The following PYROXD1 variants were observed in gnomAD, a reference collection of about 807,000 sequenced individuals.
The protein encoded by PYROXD1 is pyridine nucleotide-disulphide oxidoreductase domain 1.
A neutral mutation model predicts 62.0 loss-of-function variants in PYROXD1; 42 were observed. The ratio of observed to expected loss-of-function variants is 0.68; its 90% CI spans 0.53 to 0.88. The LOEUF (loss-of-function observed/expected upper bound fraction) is 0.88. Ranked by LOEUF, PYROXD1 falls within the 40% of genes least tolerant of loss-of-function variation. The pLI, the probability that PYROXD1 is intolerant of heterozygous loss-of-function variation, is 0.00. For missense variants in PYROXD1, 493 were observed against 604.8 expected (o/e 0.82, Z 1.94); for synonymous variants, 170 against 206.4 (o/e 0.82, Z 1.51).
At chr12:21,443,903 T>C (rs1025877440) in intron 2 of PYROXD1, among the ~76,000 whole-genome samples, 1 of 152,028 alleles carries the variant, frequency 6.6e-6, no homozygotes, top group African/African-American at 2.4e-5. Context: ...TTGGGAGAAA[T>C]AGAGGAAAAA....
chr12:21,465,755 G>A (rs1452837659), intron 10 of PYROXD1, among the ~76,000 whole-genome samples: 8 of 152,052 alleles, frequency 5.3e-5, no homozygotes, highest in Admixed American at 1.3e-4. Flanking sequence ...CCTATGTCCT[G>A]AATGGTATTG....
chr12:21,460,335 A>C (rs1942671103), intron 7 of PYROXD1, among the ~76,000 whole-genome samples: 1 of 152,102 alleles, frequency 6.6e-6, no homozygotes, highest in South Asian at 2.1e-4. Context: ...GGGATACGAC[A>C]GTAAGTCAGA....
Position 21,469,687 on chromosome 12 carries a change from T to G in PYROXD1, c.*933T>G, listed in dbSNP as rs1942882816. The G allele has an allele frequency of 7.2e-6, 1 of 138,020 alleles. No homozygotes were observed. 8.5% of individuals were successfully genotyped at this position (138,020 alleles called of 1,614,324 possible). A position where few individuals can be genotyped will look rare whatever the true frequency, so the allele number is the denominator to read the frequency against. On this transcript the variant is annotated 3_prime_UTR_variant, in exon 12 of 12. Coordinates refer to ENST00000240651, the MANE Select transcript of PYROXD1 (RefSeq NM_024854.5). ...TTAAAACATGAGATTTTTCTTGCAA[T>G]TTTTTTTTTAAGCTCATCAGCTATC...
intron 3 of PYROXD1, among the ~76,000 whole-genome samples, chr12:21,447,279 A>T (rs1591941005): frequency 6.6e-6 from 1 of 152,358 alleles, no homozygotes; most frequent in South Asian, 2.1e-4. Context: ...GAGAGAAAAA[A>T]GTACTGAATT....
intron 1 of PYROXD1, among the ~76,000 whole-genome samples, chr12:21,440,154 G>C (rs1304600679): frequency 6.6e-6 from 1 of 152,098 alleles, no homozygotes; most frequent in Non-Finnish European, 1.5e-5. Flanking sequence ...AGTGTTTACT[G>C]TAAATATTAT....
At chr12:21,453,263 C>CT (rs1407317867) in intron 5 of PYROXD1, among the ~76,000 whole-genome samples, 2 of 151,960 alleles carry the variant, frequency 1.3e-5, no homozygotes, top group African/African-American at 4.8e-5. Context: ...TCATCATTTT[C>CT]TTTAAGTTGG....
intron 5 of PYROXD1, among the ~76,000 whole-genome samples, chr12:21,453,754 G>C (rs530710096): frequency 6.6e-6 from 1 of 152,146 alleles, no homozygotes; most frequent in South Asian, 2.1e-4. Flanking sequence ...GTGGTTACTT[G>C]TAATAACTTT....
In PYROXD1 at chr12:21,471,013, C is replaced by T; in HGVS notation, c.*2259C>T. On this transcript the variant is annotated 3_prime_UTR_variant, in exon 12 of 12. Transcript: ENST00000240651. ...GACTTTGTCACTTGCATAGTAATAG[C>T]ATGTGCCTCATTGTTCAGAAGATTA... 1.3e-6 allele frequency: 2 copies of T among 1,596,348 alleles called. No individual in the cohort carries two copies. The highest frequency in any genetic ancestry group is 2.3e-5 in the South Asian group (2 of 88,332).
At chr12:21,440,525 G>A in intron 2 of PYROXD1, 77 bp downstream of exon 2, 1 of 794,368 alleles carries the variant, frequency 1.3e-6, no homozygotes, top group Non-Finnish European at 2.1e-6. Context: ...GGGTAATTGT[G>A]TATTTTTTTC....
intron 10 of PYROXD1, 146 bp downstream of exon 10, chr12:21,463,008 A>T (rs1942728160): frequency 3.0e-6 from 2 of 671,878 alleles, no homozygotes; most frequent in Non-Finnish European, 4.6e-6. Flanking sequence ...TTTAAAAAAA[A>T]AACTAGAATA....
At chr12:21,464,550 G>A (rs948988583) in intron 10 of PYROXD1, among the ~76,000 whole-genome samples, 37 of 152,168 alleles carry the variant, frequency 2.4e-4, no homozygotes, top group African/African-American at 8.9e-4. Flanking sequence ...GCACATACAG[G>A]GAGGTAGAAG....
rs772282590 is a variant in PYROXD1, at chr12:21,468,511, A to C, written c.1260A>C (p.Val420=). ...CTTTTTATCTCTAAATATAGGTTGT[A>C]CTGCTGGGAAAATACAATGCACAGG... ...HVTKFFNYKV[V]LLGKYNAQGL... is the part of the protein sequence containing the mutation. Residue 420 remains valine, a synonymous_variant, in exon 12 of 12, where the codon GTA becomes GTC. Transcript: ENST00000240651. 3 of 1,611,440 alleles carry C rather than the reference A, an allele frequency of 1.9e-6. No homozygotes were observed. The highest frequency in any genetic ancestry group is 2.5e-6 in the Non-Finnish European group (3 of 1,178,146).
chr12:21,452,814 A>G (rs1425964972), intron 5 of PYROXD1, among the ~76,000 whole-genome samples: 1 of 152,124 alleles, frequency 6.6e-6, no homozygotes, highest in Non-Finnish European at 1.5e-5. Context: ...TTCAGGCCAT[A>G]AAGTTGAGTC....
intron 3 of PYROXD1, 76 bp downstream of exon 3, chr12:21,445,542 A>C: frequency 7.3e-7 from 1 of 1,377,492 alleles, no homozygotes; most frequent in South Asian, 1.8e-5. Flanking sequence ...TTTTCACTCC[A>C]GCTCTACTAC....
chr12:21,449,648 G>A lies in PYROXD1; in HGVS notation c.371G>A (p.Gly124Glu). 1 of 1,613,326 alleles carries A rather than the reference G, an allele frequency of 6.2e-7. No individual in the cohort carries two copies. The highest frequency in any genetic ancestry group is 1.7e-4 in the Middle Eastern group (1 of 6,060). The stretch of plus-strand genomic sequence containing the variant: ...GCTAAACCAAAGTTGATATGTGAAG[G>A]AAATCCTTATGTATTAGGAATCCGT... ...AGAKPKLICE[G>E]NPYVLGIRDT... The change falls in exon 4 of 12, where the codon GGA (glycine) becomes GAA (glutamate). Residue 124 changes from glycine (G) to glutamate (E), a missense_variant. Coordinates refer to ENST00000240651, the MANE Select transcript of PYROXD1 (RefSeq NM_024854.5).
At chr12:21,457,994 T>C (rs898536671) in intron 7 of PYROXD1, among the ~76,000 whole-genome samples, 1 of 152,188 alleles carries the variant, frequency 6.6e-6, no homozygotes, top group African/African-American at 2.4e-5. Context: ...TTCACAGTGG[T>C]AAATAGGCAT....
At chr12:21,451,852 A>T (rs1942505344) in intron 4 of PYROXD1, among the ~76,000 whole-genome samples, 1 of 152,182 alleles carries the variant, frequency 6.6e-6, no homozygotes, top group African/African-American at 2.4e-5. Context: ...AGGAAAGGAA[A>T]ATCAGGAGAG....
Position 21,461,996 on chromosome 12 carries a change from T to A in PYROXD1, c.881-12T>A, listed in dbSNP as rs1218006608. On this transcript the variant is annotated splice_polypyrimidine_tract_variant and intron_variant, in intron 8 of 11. Coordinates refer to ENST00000240651, the MANE Select transcript of PYROXD1 (RefSeq NM_024854.5). ...AAATAAAGTCTGTTTTTTTGGTTTTTTTTTCTTAAAGAGATGTGGCCTGTC... is the reference window on the plus strand; with the variant it reads ...AAATAAAGTCTGTTTTTTTGGTTTTATTTTCTTAAAGAGATGTGGCCTGTC... 1 of 1,589,062 alleles carries A rather than the reference T, an allele frequency of 6.3e-7. No individual in the cohort carries two copies.
At chr12:21,450,471 A>G (rs1482932837) in intron 4 of PYROXD1, among the ~76,000 whole-genome samples, 1 of 152,158 alleles carries the variant, frequency 6.6e-6, no homozygotes, top group African/African-American at 2.4e-5. Context: ...CACTTGGCTT[A>G]TTGTTCTGCC....
Sources: gnomAD v4.1 joint callset for allele counts (sites outside exome capture counted in the v4.1 genomes callset) on GRCh38, gnomAD v4.1.1 for gene constraint, MANE v1.5 for transcripts, NCBI Gene and HGNC (gene_info 2026-07-23, HGNC 2026-07-21) for gene names.